The following IGSF21 variants were observed in gnomAD, a reference collection of about 807,000 sequenced individuals.
IGSF21 encodes the protein immunoglobin superfamily member 21.
A neutral mutation model predicts 46.8 loss-of-function variants in IGSF21; 28 were observed. The observed-to-expected ratio is 0.60, with a 90% CI of 0.44 to 0.82. The LOEUF (loss-of-function observed/expected upper bound fraction) is 0.82. Ranked by LOEUF, IGSF21 falls within the 40% of genes least tolerant of loss-of-function variation. IGSF21 has a pLI of 0.00. For synonymous variants in IGSF21, 284 were observed against 273.6 expected (o/e 1.04, Z -0.38); for missense variants, 624 against 665.5 (o/e 0.94, Z 0.69).
intron 2 of IGSF21, among the ~76,000 whole-genome samples, chr1:18,274,867 A>G (rs1390835156): frequency 1.3e-5 from 2 of 152,176 alleles, no homozygotes; most frequent in Non-Finnish European, 2.9e-5. Flanking sequence ...CTCTACTAAA[A>G]ATATGAAAAT....
chr1:18,193,400 A>G (rs60452987), intron 1 of IGSF21, among the ~76,000 whole-genome samples: 3,222 of 152,204 alleles, frequency 0.021, 120 homozygotes, highest in African/African-American at 0.074. Context: ...AATGGAATAT[A>G]TATATATATA....
At chr1:18,161,786 T>C (rs1570282068) in intron 1 of IGSF21, among the ~76,000 whole-genome samples, 1 of 152,120 alleles carries the variant, frequency 6.6e-6, no homozygotes, top group African/African-American at 2.4e-5. Flanking sequence ...AAGCATTTAC[T>C]GCAAAAGGCA....
chr1:18,192,946 G>A (rs920229950), intron 1 of IGSF21, among the ~76,000 whole-genome samples: 7 of 152,086 alleles, frequency 4.6e-5, no homozygotes, highest in Non-Finnish European at 2.9e-5. Flanking sequence ...CTGGCGCTGA[G>A]GATCTGGGGT....
At chr1:18,148,041 G>T (rs764121549) in intron 1 of IGSF21, among the ~76,000 whole-genome samples, 3 of 151,216 alleles carry the variant, frequency 2.0e-5, no homozygotes, top group Admixed American at 6.6e-5. Flanking sequence ...TTCATCTTTC[G>T]CCATGATTGT....
intron 6 of IGSF21, among the ~76,000 whole-genome samples, chr1:18,368,341 T>TAA (rs34608095): frequency 0.33 from 48,587 of 147,090 alleles, 8,472 homozygotes; most frequent in South Asian, 0.4. Context: ...CCATCTCTAC[T>TAA]AAAAAAAAAA....
chr1:18,324,272 T>C (rs1013801583), intron 3 of IGSF21, among the ~76,000 whole-genome samples: 3 of 152,212 alleles, frequency 2.0e-5, no homozygotes, highest in African/African-American at 7.2e-5. Flanking sequence ...CTGCGTTGTG[T>C]GGTGAAAAGA....
intron 1 of IGSF21, among the ~76,000 whole-genome samples, chr1:18,187,131 C>T (rs1570315473): frequency 6.6e-6 from 1 of 151,730 alleles, no homozygotes; most frequent in Admixed American, 6.6e-5. Flanking sequence ...GATCAGATGG[C>T]GGAAGATTTG....
intron 6 of IGSF21, among the ~76,000 whole-genome samples, chr1:18,368,243 C>T (rs900741856): frequency 3.3e-5 from 5 of 151,846 alleles, no homozygotes; most frequent in Admixed American, 1.3e-4. Flanking sequence ...CAGTGTCTCA[C>T]GCCTGTAATC....
intron 2 of IGSF21, among the ~76,000 whole-genome samples, chr1:18,247,782 T>G (rs1460334671): frequency 6.6e-6 from 1 of 152,044 alleles, no homozygotes; most frequent in Admixed American, 6.6e-5. Flanking sequence ...ACCCTAGGGG[T>G]GGGTACTGTC....
chr1:18,303,162 A>G (rs1230809658), intron 3 of IGSF21, among the ~76,000 whole-genome samples: 1 of 152,220 alleles, frequency 6.6e-6, no homozygotes, highest in Non-Finnish European at 1.5e-5. Flanking sequence ...GTGCCCAGCA[A>G]CGGGTCTCAG....
At chr1:18,153,969 G>A (rs531226165) in intron 1 of IGSF21, among the ~76,000 whole-genome samples, 21 of 152,216 alleles carry the variant, frequency 1.4e-4, no homozygotes, top group African/African-American at 4.6e-4. Flanking sequence ...AGTCTTGCCC[G>A]CATCACACAG....
intron 6 of IGSF21, chr1:18,375,848 G>A: frequency 5.4e-6 from 1 of 184,228 alleles, no homozygotes; most frequent in South Asian, 1.2e-4. Flanking sequence ...CACCTCCCAA[G>A]GGGGTAGCGT....
intron 1 of IGSF21, among the ~76,000 whole-genome samples, chr1:18,168,629 C>T (rs781422122): frequency 6.6e-6 from 1 of 152,208 alleles, no homozygotes. Flanking sequence ...TCCTTAATTA[C>T]GCCTTATGTT....
intron 4 of IGSF21, among the ~76,000 whole-genome samples, chr1:18,347,907 G>A (rs1049311668): frequency 3.0e-4 from 45 of 152,136 alleles, no homozygotes; most frequent in Non-Finnish European, 5.7e-4. Flanking sequence ...CACCTGCTGT[G>A]GGGGGAGCAC....
intron 1 of IGSF21, among the ~76,000 whole-genome samples, chr1:18,165,815 T>C (rs1015487697): frequency 1.7e-4 from 26 of 152,262 alleles, no homozygotes; most frequent in Middle Eastern, 3.2e-3. Flanking sequence ...AGCCTGTTCC[T>C]CTTCCTTATT....
chr1:18,345,044 C>T (rs1453423112), intron 4 of IGSF21, among the ~76,000 whole-genome samples: 1 of 152,170 alleles, frequency 6.6e-6, no homozygotes, highest in East Asian at 1.9e-4. Context: ...CCTCTTACCC[C>T]AGAAACCCCC....
intron 2 of IGSF21, among the ~76,000 whole-genome samples, chr1:18,289,128 T>C (rs1314936055): frequency 2.6e-5 from 4 of 152,160 alleles, no homozygotes; most frequent in African/African-American, 4.8e-5. Flanking sequence ...GAGACAGTTT[T>C]ACTGACAGAT....
chr1:18,306,061 A>T (rs75493305), intron 3 of IGSF21, among the ~76,000 whole-genome samples: 4,663 of 152,218 alleles, frequency 0.031, 194 homozygotes, highest in African/African-American at 0.092. Context: ...AGCCAGAGTG[A>T]GCTTTCTAAA....
intron 5 of IGSF21, among the ~76,000 whole-genome samples, chr1:18,364,710 C>T (rs1366104763): frequency 6.6e-6 from 1 of 152,066 alleles, no homozygotes; most frequent in African/African-American, 2.4e-5. Context: ...TTCTGCCTTC[C>T]ATCTCCAAAA....
Sources: gnomAD v4.1 joint callset for allele counts (sites outside exome capture counted in the v4.1 genomes callset) on GRCh38, gnomAD v4.1.1 for gene constraint, MANE v1.5 for transcripts, NCBI Gene and HGNC (gene_info 2026-07-23, HGNC 2026-07-21) for gene names.